DENND5B: variants seen among roughly 807,000 people sequenced by gnomAD.
DENND5B encodes DENN domain-containing protein 5B.
Under a neutral mutation model 140.6 loss-of-function variants are expected in DENND5B, and 34 were observed. That is an observed-to-expected ratio of 0.24 (90% CI 0.18 to 0.32). The LOEUF is 0.32. DENND5B is among the 10% of genes least tolerant of loss of function. The pLI, the probability that DENND5B is intolerant of heterozygous loss-of-function variation, is 1.00. For synonymous variants in DENND5B, 551 were observed against 562.1 expected, an observed-to-expected ratio of 0.98 and a Z score of 0.28; for missense variants, 1,142 against 1,560.2, an observed-to-expected ratio of 0.73 and a Z score of 4.52.
chr12:31,424,872 C>T (rs1243753211), intron 9 of DENND5B, among the ~76,000 whole-genome samples, 185 bp from the exon 10 acceptor site: 1 of 152,098 alleles, frequency 6.6e-6, no homozygotes, highest in Non-Finnish European at 1.5e-5. Flanking sequence ...ATTTATATGT[C>T]ACTATTTTGT....
chr12:31,535,264 G>A (rs1948447177), intron 1 of DENND5B: 1 of 186,764 alleles, frequency 5.4e-6, no homozygotes, highest in Admixed American at 6.2e-5. Flanking sequence ...GTCCACTGCA[G>A]GCTACTTAAT....
In DENND5B at chr12:31,590,743, G is replaced by A. The variant is rs1177256253; in HGVS notation, c.90C>T (p.Ile30=). 1.9e-5 allele frequency: 28 copies of A among 1,472,300 alleles called. No homozygotes were observed. Among genetic ancestry groups the A allele is most frequent in the Non-Finnish European group, 2.1e-5 (23 of 1,117,666 alleles). The allele number at this position is 1,472,300 out of a possible 1,614,324, so 91.2% of individuals were successfully genotyped here. Residue 30 remains isoleucine, a synonymous_variant, in exon 1 of 21, where the codon ATC becomes ATT. Transcript: ENST00000389082. ...RFAHYFVLCG[I]DADSGLEPDE... ...CAGGCTCCAGCCCGCTGTCCGCGTC[G>A]ATCCCGCACAGCACGAAGTAGTGCG...
At chr12:31,555,718 C>T (rs1352677986) in intron 1 of DENND5B, among the ~76,000 whole-genome samples, 4 of 152,212 alleles carry the variant, frequency 2.6e-5, no homozygotes, top group African/African-American at 7.2e-5. Context: ...GCTTCCTGGC[C>T]GCTTTGTTTA....
At chr12:31,396,177 C>G (rs1381231575) in intron 17 of DENND5B, among the ~76,000 whole-genome samples, 1 of 149,318 alleles carries the variant, frequency 6.7e-6, no homozygotes, top group Non-Finnish European at 1.5e-5. Context: ...TCAAGCAATT[C>G]TCCTGTCTCA....
intron 8 of DENND5B, among the ~76,000 whole-genome samples, chr12:31,427,172 G>C (rs1943277468): frequency 6.6e-6 from 1 of 152,002 alleles, no homozygotes; most frequent in East Asian, 1.9e-4. Context: ...TTACTTTTGG[G>C]GTTTGTGGTA....
chr12:31,525,044 C>T (rs984568692), intron 1 of DENND5B, among the ~76,000 whole-genome samples: 4 of 152,278 alleles, frequency 2.6e-5, no homozygotes, highest in Non-Finnish European at 5.9e-5. Context: ...CACTTCACAC[C>T]CACTTGCATG....
chr12:31,424,044 T>C (rs1943134775), intron 10 of DENND5B, among the ~76,000 whole-genome samples: 1 of 152,100 alleles, frequency 6.6e-6, no homozygotes, highest in Admixed American at 6.6e-5. Flanking sequence ...TGTGTACATC[T>C]ACATGTAAAA....
chr12:31,549,744 T>C (rs1009889342), intron 1 of DENND5B, among the ~76,000 whole-genome samples: 5 of 152,172 alleles, frequency 3.3e-5, no homozygotes, highest in Non-Finnish European at 5.9e-5. Context: ...TTCCCCTCCC[T>C]GTGTCCATGT....
At chr12:31,508,653 T>C (rs1286781533) in intron 1 of DENND5B, among the ~76,000 whole-genome samples, 1 of 152,234 alleles carries the variant, frequency 6.6e-6, no homozygotes, top group Non-Finnish European at 1.5e-5. Context: ...AATGGTTCAG[T>C]TGATGTGATT....
intron 1 of DENND5B, among the ~76,000 whole-genome samples, chr12:31,551,388 T>TTCCGCATATG (rs1401999517): frequency 1.3e-5 from 2 of 152,198 alleles, no homozygotes; most frequent in East Asian, 3.8e-4. Flanking sequence ...TGCGGCATTA[T>TTCCGCATATG]TTCTGAGGGC....
chr12:31,538,034 A>G (rs1223224838), intron 1 of DENND5B, among the ~76,000 whole-genome samples: 1 of 152,162 alleles, frequency 6.6e-6, no homozygotes, highest in Non-Finnish European at 1.5e-5. Flanking sequence ...AAAAAGAGAG[A>G]CAGACCCCAA....
At chr12:31,444,204 T>C (rs934864882) in intron 6 of DENND5B, 3 of 152,318 alleles carry the variant, frequency 2.0e-5, no homozygotes, top group Non-Finnish European at 4.4e-5. Context: ...TTTTGTGATT[T>C]AAGAGAAGAA....
At chr12:31,568,069 A>G (rs560144804) in intron 1 of DENND5B, among the ~76,000 whole-genome samples, 14 of 152,278 alleles carry the variant, frequency 9.2e-5, no homozygotes, top group South Asian at 4.1e-4. Context: ...ATACAGGTTG[A>G]GCATCCCTAA....
chr12:31,578,389 A>T (rs775158205), intron 1 of DENND5B, among the ~76,000 whole-genome samples: 3 of 152,214 alleles, frequency 2.0e-5, no homozygotes, highest in African/African-American at 7.2e-5. Context: ...AGTAAAGCAA[A>T]CAGACTGACT....
At chr12:31,451,185 T>G (rs793184) in intron 5 of DENND5B, among the ~76,000 whole-genome samples, 51,570 of 152,016 alleles carry the variant, frequency 0.34, 9,988 homozygotes, top group Non-Finnish European at 0.46. Context: ...ACTAAATAAA[T>G]AGATTTCTTC....
chr12:31,543,773 C>T (rs557224227), intron 1 of DENND5B, among the ~76,000 whole-genome samples: 1 of 152,308 alleles, frequency 6.6e-6, no homozygotes, highest in East Asian at 1.9e-4. Flanking sequence ...GAAAAATAAT[C>T]TACTCAGATC....
chr12:31,398,210 C>T lies in DENND5B; in HGVS notation c.3221G>A (p.Arg1074Lys). ...PQQKSPTTAR[R>K]LSITSLTGKN... ...TCCTGTCAGTGAAGTGATGCTCAAT[C>T]TCCTAGCCGTGGTGGGTGACTTCTG... Residue 1074 changes from arginine (R) to lysine (K), a missense_variant, in exon 17 of 21, where the codon AGA becomes AAA. By Grantham distance (26) the Arg-to-Lys change is conservative. This residue lies in a region of DENND5B where 268 missense variants were observed against 349.2 expected (regional missense o/e 0.77). Transcript: ENST00000389082. 1 of 1,604,856 alleles carries T rather than the reference C, an allele frequency of 6.2e-7. No homozygotes were observed.
chr12:31,507,055 C>T (rs1383969282), intron 1 of DENND5B, among the ~76,000 whole-genome samples: 2 of 152,208 alleles, frequency 1.3e-5, no homozygotes, highest in Non-Finnish European at 2.9e-5. Context: ...CCAGAGACAG[C>T]GCCTATCCTG....
At chr12:31,497,216 C>A (rs1287280781) in intron 1 of DENND5B, among the ~76,000 whole-genome samples, 1 of 151,928 alleles carries the variant, frequency 6.6e-6, no homozygotes, top group Admixed American at 6.6e-5. Flanking sequence ...TTTTTTTGAA[C>A]AAGGACACAT....
Sources: allele counts gnomAD v4.1 joint callset (sites outside exome capture counted in the v4.1 genomes callset), GRCh38; gene constraint gnomAD v4.1.1; regional missense constraint gnomAD v4.1.1; transcripts MANE v1.5; gene names NCBI Gene and HGNC (gene_info 2026-07-23, HGNC 2026-07-21).